Variants in GPC6 observed in about 807,000 individuals in gnomAD.
GPC6 encodes the protein glypican 6.
In GPC6, 14 loss-of-function variants were observed where a neutral mutation model predicts 55.2. That is an observed-to-expected ratio of 0.25 (90% CI 0.17 to 0.40). The LOEUF (loss-of-function observed/expected upper bound fraction) is 0.40. Ranked by LOEUF, GPC6 falls within the 10% of genes least tolerant of loss-of-function variation. GPC6 has a pLI of 1.00. For synonymous variants in GPC6, 278 were observed against 259.6 expected, an observed-to-expected ratio of 1.07 and a Z score of -0.68; for missense variants, 641 against 708.5, an observed-to-expected ratio of 0.90 and a Z score of 1.08.
chr13:93,403,579 G>C (rs1310275764), intron 1 of GPC6, among the ~76,000 whole-genome samples: 1 of 152,168 alleles, frequency 6.6e-6, no homozygotes, highest in Non-Finnish European at 1.5e-5. Flanking sequence ...TAAATTTGTA[G>C]ATATTTGGTT....
chr13:93,634,261 A>G (rs1383908316), intron 2 of GPC6, among the ~76,000 whole-genome samples: 1 of 152,218 alleles, frequency 6.6e-6, no homozygotes, highest in Non-Finnish European at 1.5e-5. Flanking sequence ...TCAGGATGTC[A>G]AAGTAACCTT....
intron 4 of GPC6, among the ~76,000 whole-genome samples, chr13:94,110,235 G>A (rs952155508): frequency 5.9e-5 from 9 of 151,950 alleles, no homozygotes; most frequent in Non-Finnish European, 1.3e-4. Flanking sequence ...CTGAGTAAAT[G>A]TGAAATCATT....
chr13:93,887,529 C>T (rs1012246910), intron 3 of GPC6, among the ~76,000 whole-genome samples: 8 of 152,028 alleles, frequency 5.3e-5, no homozygotes, highest in African/African-American at 7.2e-5. Context: ...TGCATTGGAA[C>T]GTCTCACTAA....
chr13:93,664,867 ATCT>A (rs1369653997), intron 2 of GPC6, among the ~76,000 whole-genome samples: 2 of 152,262 alleles, frequency 1.3e-5, no homozygotes, highest in African/African-American at 4.8e-5. Context: ...GTTAGAGAAC[ATCT>A]TCTTAAATTG....
At chr13:93,647,327 A>G (rs558418949) in intron 2 of GPC6, among the ~76,000 whole-genome samples, 1 of 152,274 alleles carries the variant, frequency 6.6e-6, no homozygotes, top group Non-Finnish European at 1.5e-5. Flanking sequence ...CTTATTATAT[A>G]CCTTCTATGT....
At chr13:94,061,619 G>C (rs549302756) in intron 4 of GPC6, among the ~76,000 whole-genome samples, 75 of 152,000 alleles carry the variant, frequency 4.9e-4, no homozygotes, top group African/African-American at 1.8e-3. Context: ...ATTCCTCACC[G>C]AGAAGGAGCA....
At chr13:93,551,752 T>C (rs1875170409) in intron 2 of GPC6, among the ~76,000 whole-genome samples, 1 of 152,136 alleles carries the variant, frequency 6.6e-6, no homozygotes, top group African/African-American at 2.4e-5. Flanking sequence ...TGCCTCTTGC[T>C]ACTTCCCAAT....
chr13:93,401,496 C>A (rs1876075700), intron 1 of GPC6, among the ~76,000 whole-genome samples: 1 of 149,926 alleles, frequency 6.7e-6, no homozygotes, highest in African/African-American at 2.4e-5. Context: ...AATTTATTTC[C>A]TTATTAAGTC....
chr13:93,765,744 T>C (rs1189871924), intron 2 of GPC6, among the ~76,000 whole-genome samples: 1 of 152,236 alleles, frequency 6.6e-6, no homozygotes, highest in Non-Finnish European at 1.5e-5. Context: ...GATCTGATTC[T>C]AGTGCTGACC....
At chr13:93,550,301 C>A (rs2139440775) in intron 2 of GPC6, among the ~76,000 whole-genome samples, 2 of 152,066 alleles carry the variant, frequency 1.3e-5, no homozygotes, top group Middle Eastern at 3.4e-3. Context: ...GTTCTTTTTC[C>A]TTTGGATTTA....
At chr13:93,251,554 T>C (rs1298615313) in intron 1 of GPC6, among the ~76,000 whole-genome samples, 3 of 152,242 alleles carry the variant, frequency 2.0e-5, no homozygotes, top group Admixed American at 1.3e-4. Context: ...TTGCAGATAC[T>C]ACTATATAGA....
chr13:94,020,144 A>G (rs1882641306), intron 3 of GPC6, among the ~76,000 whole-genome samples: 1 of 152,142 alleles, frequency 6.6e-6, no homozygotes, highest in African/African-American at 2.4e-5. Context: ...CTCTTTTAAC[A>G]TAGGCATTTA....
chr13:93,313,659 G>T (rs1227002599), intron 1 of GPC6, among the ~76,000 whole-genome samples: 2 of 151,906 alleles, frequency 1.3e-5, no homozygotes, highest in Admixed American at 6.6e-5. Context: ...GCATGTAATA[G>T]ATTTTTTTTT....
intron 2 of GPC6, among the ~76,000 whole-genome samples, chr13:93,556,526 C>T (rs1451579212): frequency 4.0e-5 from 6 of 150,746 alleles, no homozygotes; most frequent in Non-Finnish European, 7.4e-5. Context: ...AGCATTTATT[C>T]TTTGAGTTAC....
At position 93,878,580 on chromosome 13, in the gene GPC6, G is replaced by T. The variant is rs567765095; in HGVS notation, c.711+48035G>T. 5.3e-5 allele frequency among the ~76,000 whole-genome samples: 8 copies of T among 152,206 alleles called. No individual in the cohort carries two copies. In the South Asian group the frequency reaches 1.7e-3, roughly 32 times the overall value. ...TTTAGTAGAGATGGGGTTTCACCAT[G>T]TTGGCCAGGCTGGTCTCAAACTCCT... On this transcript the variant is annotated intron_variant, in intron 3 of 8. Transcript: ENST00000377047.
chr13:93,984,984 A>G (rs1196748616), intron 3 of GPC6, among the ~76,000 whole-genome samples: 1 of 152,192 alleles, frequency 6.6e-6, no homozygotes, highest in East Asian at 1.9e-4. Context: ...TATGTAAACT[A>G]AGCCCTGCAG....
rs1209000281 is a variant in GPC6 at position 94,124,196 on chromosome 13, AT to A, written c.877+96307del. Among the ~76,000 whole-genome samples, 5 of 152,186 alleles carry A rather than the reference AT, an allele frequency of 3.3e-5. No homozygotes were observed. In the East Asian group the frequency reaches 7.7e-4, roughly 24 times the overall value. ...TATTTAGGTATTCTTTAAGCACTTC[AT>A]TTTTACAACATGACTCTTGATTGAC... On this transcript the variant is annotated intron_variant, in intron 4 of 8. Transcript: ENST00000377047.
At chr13:93,347,506 T>C (rs1880471117) in intron 1 of GPC6, among the ~76,000 whole-genome samples, 1 of 152,214 alleles carries the variant, frequency 6.6e-6, no homozygotes, top group African/African-American at 2.4e-5. Flanking sequence ...GTTGTTATTT[T>C]TGTCATGAGA....
At chr13:93,806,158 T>G (rs1886536537) in intron 2 of GPC6, among the ~76,000 whole-genome samples, 2 of 152,186 alleles carry the variant, frequency 1.3e-5, no homozygotes, top group Admixed American at 1.3e-4. Flanking sequence ...AACCTTGAGA[T>G]CACTTGGAAA....
Sources: allele counts gnomAD v4.1 joint callset (sites outside exome capture counted in the v4.1 genomes callset), GRCh38; gene constraint gnomAD v4.1.1; transcripts MANE v1.5; gene names NCBI Gene and HGNC (gene_info 2026-07-23, HGNC 2026-07-21).